WWC1: variants seen among roughly 807,000 people sequenced by gnomAD.
WWC1 encodes protein KIBRA.
In WWC1, 55 loss-of-function variants were observed where a neutral mutation model predicts 138.4. The ratio of observed to expected loss-of-function variants is 0.40; its 90% confidence interval spans 0.32 to 0.50. The LOEUF is 0.50. WWC1 is among the 20% of genes least tolerant of loss of function. The probability of loss-of-function intolerance (pLI) is 0.72; values close to 1 mark genes in which losing one functional copy is unlikely to be tolerated. For synonymous variants in WWC1, 524 were observed against 564.9 expected (o/e 0.93, Z 1.03); for missense variants, 1,226 against 1,420.4 (o/e 0.86, Z 2.20).
At position 168,461,916 on chromosome 5, in the gene WWC1, C is replaced by T. The variant is rs567744243; in HGVS notation, c.2916+1174C>T. Reference sequence around the variant, plus strand: ...TACTAAAAATACAAAATTAGCTGGGCGTGGTGGTGCATGCCTGTAATCCCA... The same window carrying T: ...TACTAAAAATACAAAATTAGCTGGGTGTGGTGGTGCATGCCTGTAATCCCA... On this transcript the variant is annotated intron_variant, in intron 20 of 22. Coordinates refer to ENST00000265293, the MANE Select transcript of WWC1 (RefSeq NM_015238.3). 2.5e-3 allele frequency among the ~76,000 whole-genome samples: 378 copies of T among 152,068 alleles called. 2 individuals are homozygous for T. Among genetic ancestry groups the T allele is most frequent in the Non-Finnish European group, 3.6e-3 (247 of 67,966 alleles).
chr5:168,430,265 T>C, intron 14 of WWC1, 42 bp downstream of exon 14: 1 of 1,553,618 alleles, frequency 6.4e-7, no homozygotes, highest in Non-Finnish European at 8.8e-7. Context: ...ACCCTAACCC[T>C]CTGGAGTTAC....
chr5:168,328,729 G>C (rs1186655975), intron 1 of WWC1, among the ~76,000 whole-genome samples: 6 of 152,188 alleles, frequency 3.9e-5, no homozygotes, highest in Admixed American at 6.5e-5. Context: ...TAGAGACGGG[G>C]TTTCACCATA....
At chr5:168,353,073 C>T (rs563519193) in intron 1 of WWC1, among the ~76,000 whole-genome samples, 1 of 152,234 alleles carries the variant, frequency 6.6e-6, no homozygotes, top group African/African-American at 2.4e-5. Flanking sequence ...AACTCCAATT[C>T]GAACCCGGAC....
At chr5:168,352,574 T>TAC (rs1775059224) in intron 1 of WWC1, among the ~76,000 whole-genome samples, 1 of 149,844 alleles carries the variant, frequency 6.7e-6, no homozygotes. Flanking sequence ...AAATGAGGAT[T>TAC]ATATATATAT....
chr5:168,326,843 G>T (rs1034722262), intron 1 of WWC1, among the ~76,000 whole-genome samples: 1 of 152,128 alleles, frequency 6.6e-6, no homozygotes, highest in Admixed American at 6.5e-5. Context: ...CGGCCGGACC[G>T]GATAGTCTTA....
chr5:168,296,458 A>G (rs976263733), intron 1 of WWC1, among the ~76,000 whole-genome samples: 2 of 152,200 alleles, frequency 1.3e-5, no homozygotes, highest in African/African-American at 4.8e-5. Context: ...ACAGACCCTT[A>G]TGAGACTGAT....
chr5:168,444,486 C>T lies in WWC1; in HGVS notation c.2434-8C>T. ...TACCCAATGACCCAGCAACCTTTGT[C>T]TCTATAGGACGCTGTGTCTGCTCTG... On this transcript the variant is annotated splice_region_variant and splice_polypyrimidine_tract_variant and intron_variant, in intron 16 of 22. Coordinates refer to ENST00000265293, the MANE Select transcript of WWC1 (RefSeq NM_015238.3). The T allele has an allele frequency of 6.4e-7, 1 of 1,561,322 alleles. No individual in the cohort carries two copies. Among genetic ancestry groups the T allele is most frequent in the Non-Finnish European group, 8.7e-7 (1 of 1,151,554 alleles).
intron 20 of WWC1, among the ~76,000 whole-genome samples, chr5:168,462,162 C>T (rs1412264122): frequency 6.6e-6 from 1 of 152,196 alleles, no homozygotes; most frequent in African/African-American, 2.4e-5. Flanking sequence ...CCCACCTTTC[C>T]TGCACTGCCT....
intron 1 of WWC1, among the ~76,000 whole-genome samples, chr5:168,294,784 T>C (rs1423623669): frequency 1.3e-5 from 2 of 152,002 alleles, no homozygotes; most frequent in Admixed American, 6.6e-5. Flanking sequence ...CGCCACCACA[T>C]CCAGCCAATT....
chr5:168,457,686 T>C (rs1756459598), intron 19 of WWC1, among the ~76,000 whole-genome samples: 2 of 152,058 alleles, frequency 1.3e-5, no homozygotes, highest in Admixed American at 6.5e-5. Flanking sequence ...ACAAAGCCAA[T>C]TGGGTGACAC....
At chr5:168,305,180 C>G (rs1770444861) in intron 1 of WWC1, among the ~76,000 whole-genome samples, 1 of 147,138 alleles carries the variant, frequency 6.8e-6, no homozygotes, top group Non-Finnish European at 1.5e-5. Context: ...GTTGGCCAGT[C>G]TGGTCTCAAA....
rs933825181 is a variant in WWC1 at position 168,292,970 on chromosome 5, C to T, written c.119+699C>T. Among the ~76,000 whole-genome samples the T allele has an allele frequency of 1.3e-5, 2 of 152,130 alleles. No individual in the cohort carries two copies. The highest frequency in any genetic ancestry group is 4.8e-5 in the African/African-American group (2 of 41,436). On this transcript the variant is annotated intron_variant, in intron 1 of 22. Coordinates refer to ENST00000265293, the MANE Select transcript of WWC1 (RefSeq NM_015238.3). The surrounding 1 kb of genome is among the most constrained non-coding windows in gnomAD (Gnocchi z 4.4). ...TAGGATGGAGATGGAGGTGAGAGGC[C>T]TCCCGGAAAGCCTTGCCCCTCGCCT...
intron 1 of WWC1, among the ~76,000 whole-genome samples, chr5:168,316,233 A>G (rs954389215): frequency 1.3e-5 from 2 of 152,352 alleles, no homozygotes; most frequent in Non-Finnish European, 2.9e-5. Context: ...AATCAAACAA[A>G]GATACCAGCA....
chr5:168,328,497 T>TTA (rs1392670197), intron 1 of WWC1, among the ~76,000 whole-genome samples: 2 of 152,172 alleles, frequency 1.3e-5, no homozygotes, highest in Non-Finnish European at 2.9e-5. Flanking sequence ...CCCCTTTTCC[T>TTA]TATTAGAGCA....
intron 15 of WWC1, among the ~76,000 whole-genome samples, chr5:168,439,408 T>C (rs1432631028): frequency 6.6e-6 from 1 of 151,346 alleles, no homozygotes; most frequent in East Asian, 1.9e-4. Flanking sequence ...GTGGATCACC[T>C]GAGATCGGGA....
intron 1 of WWC1, among the ~76,000 whole-genome samples, chr5:168,301,979 TC>T (rs1770131214): frequency 6.6e-6 from 1 of 152,048 alleles, no homozygotes; most frequent in Non-Finnish European, 1.5e-5. Context: ...ACTCCCCTCC[TC>T]CCCCAGTCTT....
Position 168,414,374 on chromosome 5 carries a change from C to A in WWC1, c.968C>A (p.Ala323Asp). ...ATCGCCAACCTGAAGATCCAGCTGGCCAAGCTTGACAGTGAGGCCTGGCCT... is the reference window on the plus strand; with the variant it reads ...ATCGCCAACCTGAAGATCCAGCTGGACAAGCTTGACAGTGAGGCCTGGCCT... ...RRIANLKIQL[A>D]KLDSEAWPGV... The change falls in exon 9 of 23, where the codon GCC becomes GAC. Residue 323 changes from alanine to aspartate, a missense_variant. Coordinates refer to ENST00000265293, the MANE Select transcript of WWC1 (RefSeq NM_015238.3). 6.2e-7 allele frequency: 1 copy of A among 1,610,736 alleles called. No individual in the cohort carries two copies. Among genetic ancestry groups the A allele is most frequent in the South Asian group, 1.1e-5 (1 of 90,104 alleles).
At chr5:168,463,150 A>G (rs1582392636) in intron 20 of WWC1, among the ~76,000 whole-genome samples, 1 of 152,202 alleles carries the variant, frequency 6.6e-6, no homozygotes, top group East Asian at 1.9e-4. Flanking sequence ...TAGCAGCCTA[A>G]AGTAATACAA....
At chr5:168,409,652 C>T (rs1470837116) in intron 7 of WWC1, among the ~76,000 whole-genome samples, 1 of 152,042 alleles carries the variant, frequency 6.6e-6, no homozygotes, top group Admixed American at 6.5e-5. Flanking sequence ...CAAGCCAAGC[C>T]ATTTGGGGCT....
Sources: allele counts gnomAD v4.1 joint callset (sites outside exome capture counted in the v4.1 genomes callset), GRCh38; gene constraint gnomAD v4.1.1; non-coding constraint Gnocchi (gnomAD v3.1); transcripts MANE v1.5; gene names NCBI Gene and HGNC (gene_info 2026-07-23, HGNC 2026-07-21).